Variants in MDGA2 observed in about 807,000 individuals in gnomAD.
The protein encoded by MDGA2 is MAM domain containing glycosylphosphatidylinositol anchor 2, also known as MAM domain-containing glycosylphosphatidylinositol anchor protein 2.
A neutral mutation model predicts 117.8 loss-of-function variants in MDGA2; 40 were observed. That is an observed-to-expected ratio of 0.34 (90% confidence interval 0.26 to 0.44). The LOEUF (loss-of-function observed/expected upper bound fraction) is 0.44. MDGA2 is among the 20% of genes least tolerant of loss of function. The pLI is 1.00. For synonymous variants in MDGA2, 452 were observed against 439.0 expected, an observed-to-expected ratio of 1.03 and a Z score of -0.37; for missense variants, 1,123 against 1,250.6, an observed-to-expected ratio of 0.90 and a Z score of 1.54.
At chr14:47,156,427 C>T (rs1883392358) in intron 3 of MDGA2, among the ~76,000 whole-genome samples, 1 of 152,130 alleles carries the variant, frequency 6.6e-6, no homozygotes, top group Non-Finnish European at 1.5e-5. Flanking sequence ...TTTGTTTAGT[C>T]CACTCTCCAC....
intron 4 of MDGA2, among the ~76,000 whole-genome samples, chr14:47,132,751 C>T (rs1025465604): frequency 6.6e-6 from 1 of 151,794 alleles, no homozygotes. Flanking sequence ...AAAACAGTGT[C>T]TCAATGATTT....
intron 1 of MDGA2, among the ~76,000 whole-genome samples, chr14:47,359,396 T>C (rs1023495425): frequency 5.9e-5 from 9 of 151,620 alleles, no homozygotes; most frequent in African/African-American, 2.2e-4. Context: ...AAACATTATG[T>C]TACAAAGATA....
chr14:47,290,688 T>C (rs1255188841), intron 2 of MDGA2, among the ~76,000 whole-genome samples: 8 of 152,040 alleles, frequency 5.3e-5, no homozygotes, highest in African/African-American at 1.9e-4. Flanking sequence ...GTCACATGTA[T>C]GGATACACTC....
intron 5 of MDGA2, among the ~76,000 whole-genome samples, chr14:47,100,447 C>A (rs892552291): frequency 1.3e-5 from 2 of 152,094 alleles, no homozygotes; most frequent in Non-Finnish European, 2.9e-5. Context: ...TGAATTATCT[C>A]ATTACTATAT....
chr14:46,985,734 T>C (rs1024834793), intron 8 of MDGA2, among the ~76,000 whole-genome samples: 4 of 152,056 alleles, frequency 2.6e-5, no homozygotes, highest in Admixed American at 6.6e-5. Context: ...GACGGTAACA[T>C]CTACTGATCA....
At chr14:47,335,920 T>C (rs985318562) in intron 1 of MDGA2, among the ~76,000 whole-genome samples, 7 of 151,094 alleles carry the variant, frequency 4.6e-5, no homozygotes, top group Admixed American at 4.0e-4. Context: ...GCTACATTTG[T>C]GGGTTCTAGT....
At chr14:47,361,157 T>C (rs889957313) in intron 1 of MDGA2, among the ~76,000 whole-genome samples, 3 of 151,962 alleles carry the variant, frequency 2.0e-5, no homozygotes, top group Non-Finnish European at 4.4e-5. Context: ...CATTTCACTA[T>C]GTATATGTAT....
intron 1 of MDGA2, among the ~76,000 whole-genome samples, chr14:47,544,289 T>C (rs1032438537): frequency 6.6e-6 from 1 of 152,240 alleles, no homozygotes; most frequent in Non-Finnish European, 1.5e-5. Flanking sequence ...TGCATTTTAC[T>C]AACTTGCTTT....
At chr14:47,005,635 A>T (rs1407543349) in intron 8 of MDGA2, among the ~76,000 whole-genome samples, 1 of 151,372 alleles carries the variant, frequency 6.6e-6, no homozygotes, top group Non-Finnish European at 1.5e-5. Context: ...TAATTGAATG[A>T]TTTGGGAAGT....
intron 1 of MDGA2, among the ~76,000 whole-genome samples, chr14:47,377,574 A>G (rs535924204): frequency 6.6e-6 from 1 of 152,022 alleles, no homozygotes; most frequent in Non-Finnish European, 1.5e-5. Context: ...TATCCCATGC[A>G]TGGCTTTGAG....
At chr14:47,496,012 T>A (rs1204593485) in intron 1 of MDGA2, among the ~76,000 whole-genome samples, 1 of 152,040 alleles carries the variant, frequency 6.6e-6, no homozygotes, top group Non-Finnish European at 1.5e-5. Context: ...TATTGGATAT[T>A]TGCATTTTTG....
At chr14:47,064,853 T>C (rs1464238398) in intron 6 of MDGA2, among the ~76,000 whole-genome samples, 2 of 152,148 alleles carry the variant, frequency 1.3e-5, no homozygotes, top group Non-Finnish European at 1.5e-5. Context: ...TTTAAAGTCA[T>C]TTCCTGCTAC....
chr14:47,166,468 T>C lies in MDGA2; in HGVS notation c.596-22194A>G, dbSNP rs181673864. Among the ~76,000 whole-genome samples, 452 of 152,310 alleles carry C rather than the reference T, an allele frequency of 3.0e-3. 4 individuals carry two copies. The highest frequency in any genetic ancestry group is 0.014 in the South Asian group (68 of 4,832). On this transcript the variant is annotated intron_variant, in intron 3 of 16. Transcript: ENST00000399232. ...TATATAATTTTCTATATTCTCTGTCTACTCAAAGGAAACATAATTGCATTT... is the reference window on the plus strand; with the variant it reads ...TATATAATTTTCTATATTCTCTGTCCACTCAAAGGAAACATAATTGCATTT...
chr14:47,216,823 T>G (rs1275153623), intron 3 of MDGA2, among the ~76,000 whole-genome samples: 1 of 152,062 alleles, frequency 6.6e-6, no homozygotes, highest in African/African-American at 2.4e-5. Flanking sequence ...TATATTATTT[T>G]GGGAAGTATA....
chr14:47,213,506 T>TA (rs572057168), intron 3 of MDGA2, among the ~76,000 whole-genome samples: 72 of 151,970 alleles, frequency 4.7e-4, no homozygotes, highest in African/African-American at 1.2e-3. Flanking sequence ...ATTCTTAATT[T>TA]AAAAAAAACG....
chr14:47,592,364 C>T (rs1385559143), intron 1 of MDGA2, among the ~76,000 whole-genome samples: 5 of 152,006 alleles, frequency 3.3e-5, no homozygotes, highest in Admixed American at 3.3e-4. Context: ...CTACCATTGC[C>T]ATTCTTTACA....
chr14:47,572,963 T>C (rs1896047944), intron 1 of MDGA2, among the ~76,000 whole-genome samples: 1 of 152,164 alleles, frequency 6.6e-6, no homozygotes. Flanking sequence ...TCTTTCTAGT[T>C]CAGTGTAAAG....
chr14:47,131,394 T>A (rs1327814913), intron 5 of MDGA2, among the ~76,000 whole-genome samples: 1 of 152,030 alleles, frequency 6.6e-6, no homozygotes, highest in Non-Finnish European at 1.5e-5. Flanking sequence ...AATCACGAAT[T>A]TTTATATGTA....
At chr14:47,492,479 G>T (rs1230794928) in intron 1 of MDGA2, among the ~76,000 whole-genome samples, 1 of 151,896 alleles carries the variant, frequency 6.6e-6, no homozygotes, top group East Asian at 1.9e-4. Flanking sequence ...TGTGTGTGTG[G>T]ATATACATAT....
Sources: allele counts gnomAD v4.1 joint callset (sites outside exome capture counted in the v4.1 genomes callset), GRCh38; gene constraint gnomAD v4.1.1; transcripts MANE v1.5; gene names NCBI Gene and HGNC (gene_info 2026-07-23, HGNC 2026-07-21).